NUP210L: variants seen among roughly 807,000 people sequenced by gnomAD.
NUP210L encodes nucleoporin 210 like.
In NUP210L, 74 loss-of-function variants were observed where a neutral mutation model predicts 208.5. That is an observed-to-expected ratio of 0.35 (90% CI 0.29 to 0.43). NUP210L has a LOEUF of 0.43. Ranked by LOEUF, NUP210L falls within the 20% of genes least tolerant of loss-of-function variation. NUP210L has a pLI of 1.00. For synonymous variants in NUP210L, 780 were observed against 816.9 expected (o/e 0.95, Z 0.77); for missense variants, 1,843 against 2,289.4 (o/e 0.81, Z 3.98).
chr1:154,095,835 A>C (rs1400145549), intron 14 of NUP210L, among the ~76,000 whole-genome samples: 1 of 152,216 alleles, frequency 6.6e-6, no homozygotes, highest in East Asian at 1.9e-4. Flanking sequence ...TACTCAATTC[A>C]GTATAGAGAA....
intron 35 of NUP210L, among the ~76,000 whole-genome samples, chr1:154,003,271 A>C (rs1650322635): frequency 6.6e-6 from 1 of 151,806 alleles, no homozygotes. Flanking sequence ...GCAGTGGCGC[A>C]ATCTCAGCTC....
chr1:154,079,354 G>A (rs759834623), intron 16 of NUP210L: 1 of 152,050 alleles, frequency 6.6e-6, no homozygotes, highest in Non-Finnish European at 1.5e-5. Flanking sequence ...AAACTCCTGG[G>A]CTTAAGCAAG....
intron 34 of NUP210L, among the ~76,000 whole-genome samples, chr1:154,011,769 A>G (rs1251211335): frequency 7.3e-6 from 1 of 137,748 alleles, no homozygotes. Flanking sequence ...GCTCACTCTA[A>G]CCCCCGCTTC....
At chr1:154,063,772 G>A (rs775664072) in intron 17 of NUP210L, among the ~76,000 whole-genome samples, 1 of 152,056 alleles carries the variant, frequency 6.6e-6, no homozygotes, top group African/African-American at 2.4e-5. Context: ...CATGTCATGA[G>A]AGCTCAGTAA....
chr1:154,061,732 G>A (rs1654153050), intron 17 of NUP210L, 58 bp from the exon 18 acceptor site: 2 of 1,104,642 alleles, frequency 1.8e-6, no homozygotes, highest in African/African-American at 1.6e-5. Flanking sequence ...ATACGCAAGT[G>A]TTTCTAGAAA....
At chr1:154,030,740 GT>G (rs548786019) in intron 27 of NUP210L, among the ~76,000 whole-genome samples, 1 of 149,798 alleles carries the variant, frequency 6.7e-6, no homozygotes, top group African/African-American at 2.5e-5. Context: ...ACCTTTTTTG[GT>G]TTTTTTTTGA....
At chr1:154,083,116 G>T (rs11586701) in intron 16 of NUP210L, among the ~76,000 whole-genome samples, 3 of 151,920 alleles carry the variant, frequency 2.0e-5, no homozygotes, top group African/African-American at 4.8e-5. Context: ...GCACAGAAAA[G>T]CAACCGAGCA....
chr1:154,127,490 C>T, intron 8 of NUP210L, 73 bp from the exon 9 acceptor site: 1 of 656,336 alleles, frequency 1.5e-6, no homozygotes, highest in Non-Finnish European at 2.6e-6. Context: ...AAAATACAAC[C>T]TTTATAAAGC....
At chr1:154,041,329 T>TATG (rs1199049412) in intron 27 of NUP210L, among the ~76,000 whole-genome samples, 1 of 152,078 alleles carries the variant, frequency 6.6e-6, no homozygotes, top group African/African-American at 2.4e-5. Context: ...TTTATGTATT[T>TATG]ATGTATTTAT....
chr1:154,144,081 T>C (rs1658993818), intron 2 of NUP210L, among the ~76,000 whole-genome samples: 1 of 151,722 alleles, frequency 6.6e-6, no homozygotes, highest in South Asian at 2.1e-4. Flanking sequence ...ACTCGGAAGG[T>C]TGAGGCAGGA....
chr1:154,058,806 G>A, intron 20 of NUP210L, 113 bp from the exon 21 acceptor site: 2 of 1,017,480 alleles, frequency 2.0e-6, no homozygotes, highest in Non-Finnish European at 2.9e-6. Flanking sequence ...CTTTGAACTG[G>A]GGACTCTCAG....
At chr1:154,086,740 CA>C (rs1655645138) in intron 16 of NUP210L, among the ~76,000 whole-genome samples, 1 of 151,742 alleles carries the variant, frequency 6.6e-6, no homozygotes, top group East Asian at 1.9e-4. Context: ...AGCTTGAGCC[CA>C]GGAGTTGGAG....
At chr1:154,118,061 G>C (rs982755166) in intron 11 of NUP210L, among the ~76,000 whole-genome samples, 181 bp from the exon 12 acceptor site, 7 of 152,186 alleles carry the variant, frequency 4.6e-5, no homozygotes, top group African/African-American at 1.7e-4. Context: ...TGTAATCCCA[G>C]CACTTTGGAA....
chr1:154,146,662 T>C (rs1402550687), intron 2 of NUP210L, among the ~76,000 whole-genome samples: 1 of 124,016 alleles, frequency 8.1e-6, no homozygotes, highest in Non-Finnish European at 1.6e-5. Flanking sequence ...CTAAGATTCA[T>C]GGATAAACAC....
intron 2 of NUP210L, among the ~76,000 whole-genome samples, chr1:154,150,046 G>A (rs1472043414): frequency 6.6e-6 from 1 of 152,130 alleles, no homozygotes; most frequent in African/African-American, 2.4e-5. Flanking sequence ...TAGGCAACAT[G>A]GCGAAACCCC....
At chr1:154,149,242 C>T (rs192381718) in intron 2 of NUP210L, among the ~76,000 whole-genome samples, 5 of 152,112 alleles carry the variant, frequency 3.3e-5, no homozygotes, top group African/African-American at 7.2e-5. Context: ...CCCATCACCA[C>T]GCCCAGCTAA....
chr1:154,081,208 C>T (rs574451575), intron 16 of NUP210L, among the ~76,000 whole-genome samples: 1 of 150,588 alleles, frequency 6.6e-6, no homozygotes, highest in African/African-American at 2.4e-5. Context: ...AAGAGACACT[C>T]ATGGGTCACA....
rs1200602219 is a variant in NUP210L, at chr1:154,140,615, C to T, written c.567-663G>A. On this transcript the variant is annotated intron_variant, in intron 4 of 39. Coordinates refer to ENST00000368559, the Ensembl canonical transcript of NUP210L. Reference sequence around the variant, plus strand: ...CCAGGAGGTGGAGGCTGTAGTGAGCCGAGATCGTGTCACTGCACTCCAGCC... The same window carrying T: ...CCAGGAGGTGGAGGCTGTAGTGAGCTGAGATCGTGTCACTGCACTCCAGCC... 2.7e-5 allele frequency among the ~76,000 whole-genome samples: 4 copies of T among 147,420 alleles called. No individual in the cohort carries two copies. In the East Asian group the frequency reaches 5.9e-4, roughly 22 times the overall value.
Position 154,088,862 on chromosome 1 carries a change from T to C in NUP210L, c.2361+559A>G, listed in dbSNP as rs1435038567. ...CAACATTGTTTATTATATAATATGATGTTCTACTTTCTAGGATAGATAACT... is the reference window on the plus strand; with the variant it reads ...CAACATTGTTTATTATATAATATGACGTTCTACTTTCTAGGATAGATAACT... On this transcript the variant is annotated intron_variant, in intron 16 of 39. Coordinates refer to ENST00000368559, the Ensembl canonical transcript of NUP210L. Among the ~76,000 whole-genome samples the C allele has an allele frequency of 3.3e-5, 5 of 152,336 alleles. No homozygotes were observed. In the South Asian group the frequency reaches 8.3e-4, roughly 25 times the overall value.
Sources: allele counts gnomAD v4.1 joint callset (sites outside exome capture counted in the v4.1 genomes callset), GRCh38; gene constraint gnomAD v4.1.1; transcripts MANE v1.5; gene names NCBI Gene and HGNC (gene_info 2026-07-23, HGNC 2026-07-21).